The following PRKX variants were observed in gnomAD, a reference collection of about 807,000 sequenced individuals.
The protein encoded by PRKX is cAMP-dependent protein kinase catalytic subunit PRKX.
PRKX carries 12 observed loss-of-function variants against 22.0 expected under a neutral mutation model. The ratio of observed to expected loss-of-function variants is 0.54; its 90% CI spans 0.35 to 0.88. PRKX has a LOEUF of 0.88. PRKX is among the 40% of genes least tolerant of loss of function. The probability of loss-of-function intolerance (pLI) is 0.01; values close to 1 mark genes in which losing one functional copy is unlikely to be tolerated. For synonymous variants in PRKX, 134 were observed against 137.7 expected, an observed-to-expected ratio of 0.97 and a Z score of 0.19; for missense variants, 217 against 308.0, an observed-to-expected ratio of 0.70 and a Z score of 2.21.
At chrX:3,625,403 A>G (rs886119486) in intron 5 of PRKX, among the ~76,000 whole-genome samples, 1 of 112,056 alleles carries the variant, frequency 8.9e-6, no homozygotes, top group Non-Finnish European at 1.9e-5. Context: ...ACCATGGAAA[A>G]GAAAAGTTTA....
At chrX:3,671,337 C>T (rs1448769175) in intron 2 of PRKX, among the ~76,000 whole-genome samples, 2 of 111,595 alleles carry the variant, frequency 1.8e-5, no homozygotes, top group Non-Finnish European at 3.8e-5. Flanking sequence ...TCAAGTGATC[C>T]TTCCGCCTTG....
chrX:3,631,202 T>A (rs774399702), intron 4 of PRKX, among the ~76,000 whole-genome samples: 1 of 110,041 alleles, frequency 9.1e-6, no homozygotes, highest in South Asian at 3.9e-4. Flanking sequence ...GAATGAGAGG[T>A]CCCCAAAAAG....
intron 1 of PRKX, among the ~76,000 whole-genome samples, chrX:3,693,809 G>A (rs1035576516): frequency 4.6e-5 from 5 of 108,103 alleles, no homozygotes; most frequent in South Asian, 4.2e-4. Context: ...GTGTGGTGGC[G>A]GGTGCCTGTA....
chrX:3,642,955 G>A (rs1245813194), intron 3 of PRKX, among the ~76,000 whole-genome samples: 2 of 89,730 alleles, frequency 2.2e-5, no homozygotes, highest in Admixed American at 1.4e-4. Context: ...CCAAGAATGC[G>A]CCACTGCACT....
At chrX:3,691,782 C>G (rs975271767) in intron 1 of PRKX, among the ~76,000 whole-genome samples, 7 of 111,452 alleles carry the variant, frequency 6.3e-5, no homozygotes, top group Non-Finnish European at 1.3e-4. Context: ...GGCAGAGAAT[C>G]TCTGCCACAG....
chrX:3,671,940 T>C (rs1182936524), intron 2 of PRKX, among the ~76,000 whole-genome samples: 2 of 111,668 alleles, frequency 1.8e-5, no homozygotes, highest in Non-Finnish European at 3.8e-5. Context: ...CTGGGCAACA[T>C]AGCAAGACCC....
At chrX:3,639,017 C>T (rs188918317) in intron 4 of PRKX, among the ~76,000 whole-genome samples, 1 of 85,968 alleles carries the variant, frequency 1.2e-5, no homozygotes, top group Admixed American at 1.4e-4. Context: ...TAAATGACAA[C>T]TTAGATGATA....
rs1358394102 is a variant in PRKX at position 3,634,906 on chromosome X, G to A, written c.719+6946C>T. ...TTTTGTAGAAATGGGGTCTCACTAT[G>A]TTGCCCAGGCTGGCCTCCAACTCCT... is the stretch of plus-strand genomic sequence containing the variant. On this transcript the variant is annotated intron_variant, in intron 4 of 8. Transcript: ENST00000262848. Among the ~76,000 whole-genome samples, 12 of 111,258 alleles carry A rather than the reference G, an allele frequency of 1.1e-4. No individual in the cohort carries two copies. In the Admixed American group the frequency reaches 1.1e-3, roughly 11 times the overall value.
chrX:3,643,297 T>G (rs1927123152), intron 3 of PRKX, among the ~76,000 whole-genome samples: 1 of 111,467 alleles, frequency 9.0e-6, no homozygotes, highest in Admixed American at 9.6e-5. Context: ...AAAATCACTT[T>G]CTTTACACTA....
chrX:3,674,169 A>C (rs1218339505), intron 2 of PRKX, among the ~76,000 whole-genome samples: 1 of 111,113 alleles, frequency 9.0e-6, no homozygotes, highest in Admixed American at 9.6e-5. Flanking sequence ...TCTCATCCAC[A>C]GTCAACCAGA....
chrX:3,705,755 C>T (rs1205413341), intron 1 of PRKX, among the ~76,000 whole-genome samples: 2 of 103,595 alleles, frequency 1.9e-5, no homozygotes, highest in South Asian at 4.4e-4. Context: ...GGTGTGATCT[C>T]GGCTCACTGC....
chrX:3,636,836 G>A (rs1206781200), intron 4 of PRKX, among the ~76,000 whole-genome samples: 1 of 110,852 alleles, frequency 9.0e-6, no homozygotes, highest in Non-Finnish European at 1.9e-5. Flanking sequence ...AGTCCAGCCT[G>A]GGTGACAGAG....
chrX:3,679,156 C>T (rs1398543168), intron 1 of PRKX, among the ~76,000 whole-genome samples: 4 of 111,701 alleles, frequency 3.6e-5, no homozygotes, highest in African/African-American at 9.7e-5. Context: ...CTAATGATCC[C>T]GTTGCCCAAG....
At chrX:3,697,474 C>G (rs1243986853) in intron 1 of PRKX, among the ~76,000 whole-genome samples, 1 of 111,780 alleles carries the variant, frequency 8.9e-6, no homozygotes, top group East Asian at 2.8e-4. Flanking sequence ...GGTCACTAAT[C>G]TGAGAACAAT....
rs1179096011 is a variant in PRKX, at chrX:3,608,121, A to T, written c.*848T>A. On this transcript the variant is annotated 3_prime_UTR_variant, in exon 9 of 9. Transcript: ENST00000262848. Reference sequence around the variant, plus strand: ...GGTCTCCAACTCCTGGGCTCAAGCAATCCACCCACCTCAGCCTCCCAAAGT... The same window carrying T: ...GGTCTCCAACTCCTGGGCTCAAGCATTCCACCCACCTCAGCCTCCCAAAGT... 1.8e-5 allele frequency: 2 copies of T among 110,130 alleles called. No homozygotes were observed. Among genetic ancestry groups the T allele is most frequent in the Admixed American group, 2.0e-4 (2 of 10,196 alleles). 9.1% of individuals were successfully genotyped at this position (110,130 alleles called of 1,213,427 possible).
chrX:3,616,179 C>A (rs1179276577), intron 6 of PRKX, among the ~76,000 whole-genome samples: 3 of 111,518 alleles, frequency 2.7e-5, no homozygotes, highest in African/African-American at 6.6e-5. Flanking sequence ...ACGATTCCAT[C>A]TCTCGACATA....
intron 1 of PRKX, among the ~76,000 whole-genome samples, chrX:3,686,046 TC>T (rs1928171959): frequency 9.0e-6 from 1 of 111,551 alleles, no homozygotes; most frequent in African/African-American, 3.3e-5. Flanking sequence ...AGACCCCCTC[TC>T]AACAACAACA....
intron 2 of PRKX, among the ~76,000 whole-genome samples, chrX:3,673,535 A>G (rs1216920915): frequency 9.0e-6 from 1 of 110,802 alleles, no homozygotes; most frequent in Non-Finnish European, 1.9e-5. Flanking sequence ...ACCAGGTAGG[A>G]GGGAAGCCAG....
At chrX:3,668,410 A>G (rs1927779825) in intron 2 of PRKX, among the ~76,000 whole-genome samples, 1 of 111,604 alleles carries the variant, frequency 9.0e-6, no homozygotes, top group Admixed American at 9.6e-5. Flanking sequence ...AAATAAAAGG[A>G]GAGAACATGG....
Sources: allele counts gnomAD v4.1 joint callset (sites outside exome capture counted in the v4.1 genomes callset), GRCh38; gene constraint gnomAD v4.1.1; transcripts MANE v1.5; gene names NCBI Gene and HGNC (gene_info 2026-07-23, HGNC 2026-07-21).